MARCHF7: variants seen among roughly 807,000 people sequenced by gnomAD.
The protein encoded by MARCHF7 is E3 ubiquitin-protein ligase MARCHF7.
A neutral mutation model predicts 76.5 loss-of-function variants in MARCHF7; 20 were observed. The observed-to-expected ratio is 0.26, with a 90% confidence interval of 0.18 to 0.38. The LOEUF is 0.38. Among genes scored for constraint, MARCHF7 ranks in the 10% least tolerant of loss-of-function variants. The probability of loss-of-function intolerance (pLI) is 1.00; values close to 1 mark genes in which losing one functional copy is unlikely to be tolerated. For missense variants in MARCHF7, 797 were observed against 812.9 expected, an observed-to-expected ratio of 0.98 and a Z score of 0.24; for synonymous variants, 295 against 293.0, an observed-to-expected ratio of 1.01 and a Z score of -0.07.
chr2:159,748,433 T>G lies in MARCHF7; in HGVS notation c.1143T>G (p.Asn381Lys). 1 of 1,614,142 alleles carries G rather than the reference T, an allele frequency of 6.2e-7. No homozygotes were observed. The highest frequency in any genetic ancestry group is 2.2e-5 in the East Asian group (1 of 44,892). Reference sequence around the variant, plus strand: ...TTAACCAAGAATCTGAAGGTAGAAATACAGGACCATGGTTATCTTCCTCAC... The same window carrying G: ...TTAACCAAGAATCTGAAGGTAGAAAGACAGGACCATGGTTATCTTCCTCAC... ...ENFNQESEGR[N>K]TGPWLSSSLR... Residue 381 changes from asparagine (N) to lysine (K), a missense_variant, in exon 7 of 12, where the codon AAT (asparagine) becomes AAG (lysine). This residue lies in a region of MARCHF7 where 643 missense variants were observed against 631.5 expected (regional missense o/e 1.02). Transcript: ENST00000409175.
chr2:159,757,959 C>G (rs1022673391), intron 8 of MARCHF7, among the ~76,000 whole-genome samples: 2 of 152,170 alleles, frequency 1.3e-5, no homozygotes, highest in African/African-American at 2.4e-5. Flanking sequence ...TAAGTTACTG[C>G]TGTCTTGGAC....
intron 8 of MARCHF7, 111 bp from the exon 9 acceptor site, chr2:159,759,115 T>G (rs76340759): frequency 0.011 from 7,220 of 642,708 alleles, 53 homozygotes; most frequent in Non-Finnish European, 0.016. Context: ...TTTCCTTTTC[T>G]TCTTCTTTCC....
intron 4 of MARCHF7, among the ~76,000 whole-genome samples, chr2:159,739,736 T>A (rs1703908446): frequency 6.6e-6 from 1 of 152,232 alleles, no homozygotes; most frequent in Non-Finnish European, 1.5e-5. Flanking sequence ...AGGAAAAGGT[T>A]TGATTTTGAA....
chr2:159,739,172 A>C (rs577412903), intron 4 of MARCHF7, among the ~76,000 whole-genome samples: 1 of 152,372 alleles, frequency 6.6e-6, no homozygotes, highest in South Asian at 2.1e-4. Context: ...CTACAGCCAC[A>C]GCTGGGTCAG....
chr2:159,725,350 T>G (rs944184184), intron 3 of MARCHF7, among the ~76,000 whole-genome samples: 2 of 152,200 alleles, frequency 1.3e-5, no homozygotes. Flanking sequence ...ACCTGTTGTT[T>G]CCTGACTTTT....
chr2:159,724,088 G>T (rs72996603), intron 3 of MARCHF7, among the ~76,000 whole-genome samples: 2,133 of 152,180 alleles, frequency 0.014, 48 homozygotes, highest in African/African-American at 0.048. Flanking sequence ...GTTTTTGGTC[G>T]TTGTGTTTTG....
chr2:159,724,390 G>C (rs1440039444), intron 3 of MARCHF7, among the ~76,000 whole-genome samples: 1 of 152,054 alleles, frequency 6.6e-6, no homozygotes, highest in Non-Finnish European at 1.5e-5. Flanking sequence ...GTAGTCTTGA[G>C]CCCTTTCAAT....
chr2:159,762,774 A>G (rs973985134), intron 9 of MARCHF7, 106 bp from the exon 10 acceptor site: 6 of 504,020 alleles, frequency 1.2e-5, no homozygotes, highest in African/African-American at 1.2e-4. Context: ...ACTGGATATG[A>G]ATACATTTCC....
At chr2:159,730,835 G>C (rs755158113) in intron 4 of MARCHF7, among the ~76,000 whole-genome samples, 22 of 152,262 alleles carry the variant, frequency 1.4e-4, no homozygotes, top group Non-Finnish European at 2.4e-4. Context: ...GAGGAGTCAT[G>C]TTTCATGACT....
At chr2:159,756,246 G>C (rs1399008341) in intron 8 of MARCHF7, among the ~76,000 whole-genome samples, 1 of 152,164 alleles carries the variant, frequency 6.6e-6, no homozygotes, top group Non-Finnish European at 1.5e-5. Flanking sequence ...ACAGGTTATT[G>C]TTTAAGAACA....
Position 159,762,861 on chromosome 2 carries a change from G to T in MARCHF7, c.1894-19G>T. 6.6e-7 allele frequency: 1 copy of T among 1,512,364 alleles called. No homozygotes were observed. Among genetic ancestry groups the T allele is most frequent in the South Asian group, 1.2e-5 (1 of 85,766 alleles). The allele number at this position is 1,512,364 out of a possible 1,614,324, so 93.7% of individuals were successfully genotyped here. ...ATTCTCTGTATTTTTCTTTTCTCCT[G>T]TTTGCTTCCCTGTTGAAGGCTGAGT... is the stretch of plus-strand genomic sequence containing the variant. On this transcript the variant is annotated intron_variant, in intron 9 of 11. Coordinates refer to ENST00000409175, the MANE Select transcript of MARCHF7 (RefSeq NM_001282805.2).
chr2:159,762,557 AT>A (rs1403096093), intron 9 of MARCHF7, among the ~76,000 whole-genome samples: 57 of 152,370 alleles, frequency 3.7e-4, no homozygotes, highest in African/African-American at 1.3e-3. Flanking sequence ...AACTAAATAT[AT>A]ATAGCTATAG....
rs76854249 is a variant in MARCHF7 at position 159,715,750 on chromosome 2, T to A, written c.-31T>A. On this transcript the variant is annotated 5_prime_UTR_variant, in exon 3 of 12. Transcript: ENST00000409175. ...CTGCCCTCAAATATATTTCTCTGACTCTACCGGTTAGACTAGGTAAGTTGA... is the reference window on the plus strand; with the variant it reads ...CTGCCCTCAAATATATTTCTCTGACACTACCGGTTAGACTAGGTAAGTTGA... 3.3e-5 allele frequency: 5 copies of A among 152,318 alleles called. No individual in the cohort carries two copies. The East Asian group carries it at 9.6e-4, about 29-fold the overall frequency. 9.4% of individuals were successfully genotyped at this position (152,318 alleles called of 1,614,324 possible). A position where few individuals can be genotyped will look rare whatever the true frequency, so the allele number is the denominator to read the frequency against.
At chr2:159,739,391 C>T (rs938775021) in intron 4 of MARCHF7, among the ~76,000 whole-genome samples, 1 of 152,214 alleles carries the variant, frequency 6.6e-6, no homozygotes, top group South Asian at 2.1e-4. Flanking sequence ...TATCAAACAT[C>T]AAGTTACTAC....
chr2:159,763,544 C>G (rs142636731), intron 10 of MARCHF7, among the ~76,000 whole-genome samples: 2 of 152,166 alleles, frequency 1.3e-5, no homozygotes, highest in Non-Finnish European at 2.9e-5. Context: ...AAATGATGCT[C>G]TTTGTGTCAG....
At chr2:159,729,294 A>G (rs1702507326) in intron 4 of MARCHF7, 119 bp downstream of exon 4, 1 of 606,868 alleles carries the variant, frequency 1.6e-6, no homozygotes, top group African/African-American at 1.9e-5. Flanking sequence ...ATCAAAACCA[A>G]TATATATGTA....
At chr2:159,751,479 T>G (rs931843340) in intron 7 of MARCHF7, among the ~76,000 whole-genome samples, 4 of 152,184 alleles carry the variant, frequency 2.6e-5, no homozygotes, top group Non-Finnish European at 4.4e-5. Flanking sequence ...TTTCAATCTT[T>G]AAAAATAATT....
chr2:159,745,767 A>G lies in MARCHF7; in HGVS notation c.347-3A>G. 6.3e-7 allele frequency: 1 copy of G among 1,586,508 alleles called. No homozygotes were observed. Among genetic ancestry groups the G allele is most frequent in the Non-Finnish European group, 8.6e-7 (1 of 1,169,288 alleles). ...GAAATAAAACTTCTTCATTTATTTT[A>G]AGATTCATCTTGGAGGCATAGTCAA... On this transcript the variant is annotated splice_region_variant and splice_polypyrimidine_tract_variant and intron_variant, in intron 5 of 11. Coordinates refer to ENST00000409175, the MANE Select transcript of MARCHF7 (RefSeq NM_001282805.2).
chr2:159,734,130 T>C (rs1218458704), intron 4 of MARCHF7: 1 of 1,220,198 alleles, frequency 8.2e-7, no homozygotes. Context: ...TTTCTATAAA[T>C]ATTGTTAAAA....
Sources: allele counts gnomAD v4.1 joint callset (sites outside exome capture counted in the v4.1 genomes callset), GRCh38; gene constraint gnomAD v4.1.1; regional missense constraint gnomAD v4.1.1; transcripts MANE v1.5; gene names NCBI Gene and HGNC (gene_info 2026-07-23, HGNC 2026-07-21).